Variants in ALX4 observed in about 807,000 individuals in gnomAD.
ALX4 encodes the protein homeobox protein aristaless-like 4.
A neutral mutation model predicts 40.6 loss-of-function variants in ALX4; 22 were observed. That is an observed-to-expected ratio of 0.54 (90% CI 0.39 to 0.77). The LOEUF is 0.77. ALX4 is among the 30% of genes least tolerant of loss of function. The pLI is 0.00. For missense variants in ALX4, 556 were observed against 564.8 expected (o/e 0.98, Z 0.16); for synonymous variants, 266 against 240.5 (o/e 1.11, Z -0.98).
At chr11:44,288,546 C>A (rs1212850082) in intron 1 of ALX4, among the ~76,000 whole-genome samples, 1 of 152,142 alleles carries the variant, frequency 6.6e-6, no homozygotes, top group Non-Finnish European at 1.5e-5. Flanking sequence ...CCCCGCCTTC[C>A]CCTCATCACC....
At chr11:44,279,156 C>A (rs1046700375) in intron 1 of ALX4, among the ~76,000 whole-genome samples, 1 of 152,180 alleles carries the variant, frequency 6.6e-6, no homozygotes, top group African/African-American at 2.4e-5. Context: ...TAGCAGGGAG[C>A]TCACTGCCCC....
At chr11:44,291,313 C>T (rs546229269) in intron 1 of ALX4, among the ~76,000 whole-genome samples, 4 of 152,350 alleles carry the variant, frequency 2.6e-5, no homozygotes, top group African/African-American at 9.6e-5. Flanking sequence ...AGGGGTGTTA[C>T]GAGGCAGCGT....
rs535593571 is a variant in ALX4 at position 44,293,757 on chromosome 11, C to T, written c.466+15840G>A. ...GGCCTCTTGCCCCTGGCTTCGCCAA[C>T]ACTGGGCTAGTGAGGAGGCTATTAC... On this transcript the variant is annotated intron_variant, in intron 1 of 3. Coordinates refer to ENST00000652299, the MANE Select transcript of ALX4 (RefSeq NM_021926.4). Among the ~76,000 whole-genome samples, 35 of 152,368 alleles carry T rather than the reference C, an allele frequency of 2.3e-4. 1 individual carries two copies. Among genetic ancestry groups the T allele is most frequent in the African/African-American group, 8.2e-4 (34 of 41,582 alleles).
intron 1 of ALX4, among the ~76,000 whole-genome samples, chr11:44,289,030 G>A (rs904189331): frequency 1.3e-5 from 2 of 152,114 alleles, no homozygotes; most frequent in African/African-American, 4.8e-5. Context: ...CTTCCCTTAG[G>A]AATCATGGCC....
At position 44,261,352 on chromosome 11, in the gene ALX4, A is replaced by G. The variant is rs1209580231; in HGVS notation, c.*3502T>C. The G allele has an allele frequency of 6.6e-6, 1 of 152,188 alleles. No individual in the cohort carries two copies. Among genetic ancestry groups the G allele is most frequent in the Non-Finnish European group, 1.5e-5 (1 of 68,060 alleles). 9.4% of individuals were successfully genotyped at this position (152,188 alleles called of 1,614,324 possible). A position where few individuals can be genotyped will look rare whatever the true frequency, so the allele number is the denominator to read the frequency against. On this transcript the variant is annotated 3_prime_UTR_variant, in exon 4 of 4. Transcript: ENST00000652299. ...CGAAATGACAGGAGATGGGGCACGG[A>G]GCTGGGTCCAGTGTGATCACAGCTG...
chr11:44,305,099 G>A (rs1056357244), intron 1 of ALX4, among the ~76,000 whole-genome samples: 2 of 152,174 alleles, frequency 1.3e-5, no homozygotes, highest in African/African-American at 2.4e-5. Context: ...TTGCTTTAAC[G>A]TTTTACAACG....
intron 2 of ALX4, 141 bp from the exon 3 acceptor site, chr11:44,267,763 A>C: frequency 8.9e-7 from 1 of 1,128,670 alleles, no homozygotes; most frequent in Non-Finnish European, 1.3e-6. Context: ...CATAAATATC[A>C]ACCTTGGTCT....
At chr11:44,275,699 C>T in intron 1 of ALX4, 41 bp from the exon 2 acceptor site, 1 of 1,597,820 alleles carries the variant, frequency 6.3e-7, no homozygotes, top group Non-Finnish European at 8.5e-7. Context: ...AATGGTTGAA[C>T]CAAACAAGAG....
At chr11:44,298,745 A>G (rs1956418038) in intron 1 of ALX4, among the ~76,000 whole-genome samples, 1 of 152,060 alleles carries the variant, frequency 6.6e-6, no homozygotes, top group Non-Finnish European at 1.5e-5. Context: ...CTTGTGCTAA[A>G]TAGAGCTACC....
At chr11:44,292,220 TAA>T (rs1302477534) in intron 1 of ALX4, among the ~76,000 whole-genome samples, 4 of 151,950 alleles carry the variant, frequency 2.6e-5, no homozygotes, top group Admixed American at 2.0e-4. Context: ...CAATTAATTA[TAA>T]GATTGCTTTT....
rs1018106955 is a variant in ALX4, at chr11:44,287,944, G to C, written c.467-12286C>G. ...ACACTGAAGTACTTAGAGGCAAAGA[G>C]GCATATGAGTCATATGTCTGCAACT... is the stretch of plus-strand genomic sequence containing the variant. On this transcript the variant is annotated intron_variant, in intron 1 of 3. Transcript: ENST00000652299. Among the ~76,000 whole-genome samples the C allele has an allele frequency of 3.9e-5, 6 of 152,206 alleles. No individual in the cohort carries two copies. In the South Asian group the frequency reaches 6.2e-4, roughly 16 times the overall value.
intron 1 of ALX4, among the ~76,000 whole-genome samples, chr11:44,308,459 C>G (rs999939432): frequency 6.6e-6 from 1 of 152,258 alleles, no homozygotes; most frequent in African/African-American, 2.4e-5. Context: ...AGGGCCGGAC[C>G]TGAAGGCCAA....
At chr11:44,269,771 T>G (rs779753458) in intron 2 of ALX4, among the ~76,000 whole-genome samples, 6 of 152,204 alleles carry the variant, frequency 3.9e-5, no homozygotes, top group Non-Finnish European at 5.9e-5. Context: ...ATCAGTGGCC[T>G]GGGATGGGAG....
intron 1 of ALX4, among the ~76,000 whole-genome samples, chr11:44,295,048 A>T (rs185406412): frequency 1.2e-3 from 175 of 152,108 alleles, no homozygotes; most frequent in African/African-American, 3.8e-3. Context: ...ACAGGGTTTC[A>T]CTATGTTGGC....
At chr11:44,267,262 G>A (rs1055108553) in intron 3 of ALX4, among the ~76,000 whole-genome samples, 1 of 152,152 alleles carries the variant, frequency 6.6e-6, no homozygotes, top group South Asian at 2.1e-4. Context: ...CGTTCTCACT[G>A]CCCCAACCTT....
At chr11:44,301,169 C>T (rs538442280) in intron 1 of ALX4, among the ~76,000 whole-genome samples, 79 of 152,362 alleles carry the variant, frequency 5.2e-4, no homozygotes, top group Non-Finnish European at 9.8e-4. Context: ...GCCTCTCAGT[C>T]CCCTTTGTCT....
chr11:44,267,695 A>G (rs558799308), intron 2 of ALX4, 73 bp from the exon 3 acceptor site: 4 of 1,605,562 alleles, frequency 2.5e-6, no homozygotes, highest in Admixed American at 3.3e-5. Context: ...AGGCAGTGCA[A>G]ACTGTTCCCT....
At chr11:44,300,215 C>A (rs537264519) in intron 1 of ALX4, among the ~76,000 whole-genome samples, 1 of 152,004 alleles carries the variant, frequency 6.6e-6, no homozygotes, top group Non-Finnish European at 1.5e-5. Context: ...GCCAATTCAC[C>A]CCTCTTGGTG....
In ALX4 at chr11:44,309,865, G is replaced by C; in HGVS notation, c.198C>G (p.Tyr66Ter). Reference sequence around the variant, plus strand: ...TCGCCAGGTCCTGCTGCCCAGCGCCGTAACGGGCCCGGCTCTTGGCGTCCC... The same window carrying C: ...TCGCCAGGTCCTGCTGCCCAGCGCCCTAACGGGCCCGGCTCTTGGCGTCCC... ...GFGDAKSRAR[Y>*]GAGQQDLATP... Residue 66 changes from tyrosine to a stop codon, truncating the protein, a stop_gained, in exon 1 of 4, where the codon TAC becomes TAG. Coordinates refer to ENST00000652299, the MANE Select transcript of ALX4 (RefSeq NM_021926.4). LOFTEE classifies it high-confidence loss of function. The C allele has an allele frequency of 6.4e-7, 1 of 1,566,624 alleles. No individual in the cohort carries two copies. The highest frequency in any genetic ancestry group is 8.7e-7 in the Non-Finnish European group (1 of 1,155,004).
Sources: gnomAD v4.1 joint callset for allele counts (sites outside exome capture counted in the v4.1 genomes callset) on GRCh38, gnomAD v4.1.1 for gene constraint, MANE v1.5 for transcripts, NCBI Gene and HGNC (gene_info 2026-07-23, HGNC 2026-07-21) for gene names.